Variants in PDE4B observed in about 807,000 individuals in gnomAD.
PDE4B encodes phosphodiesterase 4B.
In PDE4B, 20 loss-of-function variants were observed where a neutral mutation model predicts 82.2. The ratio of observed to expected loss-of-function variants is 0.24; its 90% CI spans 0.17 to 0.35. The LOEUF (loss-of-function observed/expected upper bound fraction) is 0.35. PDE4B is among the 10% of genes least tolerant of loss of function. PDE4B has a pLI of 1.00. For missense variants in PDE4B, 655 were observed against 907.2 expected, an observed-to-expected ratio of 0.72 and a Z score of 3.57; for synonymous variants, 320 against 318.9, an observed-to-expected ratio of 1.00 and a Z score of -0.04.
chr1:66,354,433 T>G, intron 8 of PDE4B: 1 of 988,810 alleles, frequency 1.0e-6, no homozygotes. Flanking sequence ...GTCTGGCAAC[T>G]CCTCAGGAAA....
intron 3 of PDE4B, among the ~76,000 whole-genome samples, chr1:66,069,411 C>T (rs1656037116): frequency 6.6e-6 from 1 of 151,982 alleles, no homozygotes; most frequent in Non-Finnish European, 1.5e-5. Context: ...TTGTCACTCT[C>T]CAATAAGATG....
intron 1 of PDE4B, among the ~76,000 whole-genome samples, chr1:65,885,653 T>C (rs1290411372): frequency 2.0e-5 from 3 of 151,886 alleles, no homozygotes; most frequent in South Asian, 2.1e-4. Context: ...TAGGTTGGAA[T>C]TGAACAATGA....
intron 1 of PDE4B, among the ~76,000 whole-genome samples, chr1:65,821,458 C>G (rs1420629023): frequency 6.6e-6 from 1 of 152,176 alleles, no homozygotes; most frequent in Non-Finnish European, 1.5e-5. Flanking sequence ...TATAATAGCT[C>G]TTAGGGCTAG....
intron 3 of PDE4B, among the ~76,000 whole-genome samples, chr1:66,188,091 T>C (rs1018062896): frequency 2.1e-4 from 31 of 151,190 alleles, no homozygotes; most frequent in Admixed American, 2.7e-4. Context: ...TTTTGTTATG[T>C]ACCCAGTAGT....
intron 3 of PDE4B, among the ~76,000 whole-genome samples, chr1:65,955,767 T>A (rs935743175): frequency 6.6e-6 from 1 of 152,152 alleles, no homozygotes; most frequent in African/African-American, 2.4e-5. Flanking sequence ...AGTAACATGC[T>A]CTTCAGTCAT....
intron 3 of PDE4B, among the ~76,000 whole-genome samples, chr1:66,016,068 C>T (rs1301112185): frequency 1.3e-5 from 2 of 152,134 alleles, no homozygotes; most frequent in African/African-American, 4.8e-5. Flanking sequence ...TAATTATTGA[C>T]TATGTGACCT....
chr1:66,004,510 A>G (rs1404612901), intron 3 of PDE4B, among the ~76,000 whole-genome samples: 1 of 152,124 alleles, frequency 6.6e-6, no homozygotes, highest in Non-Finnish European at 1.5e-5. Context: ...ACCATTCCAA[A>G]TTGCAGATTT....
intron 3 of PDE4B, among the ~76,000 whole-genome samples, chr1:66,246,786 A>G (rs186848999): frequency 6.6e-6 from 1 of 152,344 alleles, no homozygotes; most frequent in Admixed American, 6.5e-5. Context: ...GAGCCAGTGA[A>G]TGCATCCTCC....
rs575730736 is a variant in PDE4B, at chr1:66,300,091, A to G, written c.635-32417A>G. ...CTTTCTCTCTGGTGTTCGTGTTTTTACCTTCTTCAGCCATGTGAAAAGACT... is the reference window on the plus strand; with the variant it reads ...CTTTCTCTCTGGTGTTCGTGTTTTTGCCTTCTTCAGCCATGTGAAAAGACT... On this transcript the variant is annotated intron_variant, in intron 7 of 16. Coordinates refer to ENST00000341517, the MANE Select transcript of PDE4B (RefSeq NM_002600.4). 3.3e-5 allele frequency among the ~76,000 whole-genome samples: 5 copies of G among 152,248 alleles called. No individual in the cohort carries two copies. In the East Asian group the frequency reaches 9.6e-4, roughly 29 times the overall value.
intron 3 of PDE4B, among the ~76,000 whole-genome samples, chr1:66,014,278 G>A (rs535784386): frequency 6.6e-6 from 1 of 152,056 alleles, no homozygotes; most frequent in African/African-American, 2.4e-5. Flanking sequence ...CTGATGCACA[G>A]AATTTTTACA....
At chr1:66,088,544 ATATTT>A (rs954854274) in intron 3 of PDE4B, among the ~76,000 whole-genome samples, 24 of 152,186 alleles carry the variant, frequency 1.6e-4, no homozygotes, top group African/African-American at 5.3e-4. Flanking sequence ...TAATTCTTAA[ATATTT>A]TTACATTTTT....
In PDE4B at chr1:66,319,427, T is replaced by A. The variant is rs190251784; in HGVS notation, c.635-13081T>A. On this transcript the variant is annotated intron_variant, in intron 7 of 16. Coordinates refer to ENST00000341517, the MANE Select transcript of PDE4B (RefSeq NM_002600.4). ...ACATCTTAATTTGAGGCCTCCTTAC[T>A]TCTTAAGCTCCTATCTTTTTCTACA... 1.6e-3 allele frequency among the ~76,000 whole-genome samples: 249 copies of A among 152,354 alleles called. 1 individual carries two copies. Among genetic ancestry groups the A allele is most frequent in the African/African-American group, 5.5e-3 (228 of 41,594 alleles).
chr1:66,325,494 C>G (rs1007562704), intron 7 of PDE4B, among the ~76,000 whole-genome samples: 1 of 152,178 alleles, frequency 6.6e-6, no homozygotes, highest in Admixed American at 6.5e-5. Flanking sequence ...AATGAACAAA[C>G]AACTTCCCTA....
chr1:66,227,339 A>G (rs1434655398), intron 3 of PDE4B, among the ~76,000 whole-genome samples: 1 of 152,242 alleles, frequency 6.6e-6, no homozygotes, highest in African/African-American at 2.4e-5. Context: ...TTGATGCTTA[A>G]CAGCTCTGTG....
chr1:65,880,454 C>A lies in PDE4B; in HGVS notation c.-70-32791C>A, dbSNP rs150953701. On this transcript the variant is annotated intron_variant, in intron 1 of 16. Coordinates refer to ENST00000341517, the MANE Select transcript of PDE4B (RefSeq NM_002600.4). ...GGTCTGAATGTGGGTGTCCCCACAT[C>A]AACATTCACATGCTGAAATCCTAAT... Among the ~76,000 whole-genome samples the A allele has an allele frequency of 3.0e-3, 458 of 152,302 alleles. 1 individual carries two copies. The highest frequency in any genetic ancestry group is 0.01 in the African/African-American group (431 of 41,584).
intron 3 of PDE4B, among the ~76,000 whole-genome samples, chr1:66,015,511 A>G (rs1327219484): frequency 6.6e-6 from 1 of 152,128 alleles, no homozygotes; most frequent in African/African-American, 2.4e-5. Context: ...ACTTCGTTGC[A>G]GAGGTCATGC....
intron 3 of PDE4B, among the ~76,000 whole-genome samples, chr1:66,002,838 AAG>A (rs910314907): frequency 3.3e-5 from 5 of 152,088 alleles, no homozygotes; most frequent in African/African-American, 1.2e-4. Context: ...AAATGGAGAA[AAG>A]AGTTTTATAT....
At chr1:66,106,266 C>G (rs1404656750) in intron 3 of PDE4B, among the ~76,000 whole-genome samples, 4 of 151,596 alleles carry the variant, frequency 2.6e-5, no homozygotes, top group Admixed American at 2.0e-4. Context: ...ATTGAACCAG[C>G]CTTGCATCCC....
chr1:65,869,704 C>A (rs185249146), intron 1 of PDE4B, among the ~76,000 whole-genome samples: 20 of 151,882 alleles, frequency 1.3e-4, no homozygotes, highest in Non-Finnish European at 2.1e-4. Flanking sequence ...CCCTTATAAT[C>A]TGTGAGGTGA....
Sources: allele counts gnomAD v4.1 joint callset (sites outside exome capture counted in the v4.1 genomes callset), GRCh38; gene constraint gnomAD v4.1.1; transcripts MANE v1.5; gene names NCBI Gene and HGNC (gene_info 2026-07-23, HGNC 2026-07-21).